Variants in KCNK10 observed in about 807,000 individuals in gnomAD.
KCNK10 encodes potassium channel subfamily K member 10.
A neutral mutation model predicts 47.7 loss-of-function variants in KCNK10; 25 were observed. The ratio of observed to expected loss-of-function variants is 0.52; its 90% CI spans 0.38 to 0.73. The LOEUF is 0.73. Ranked by LOEUF, KCNK10 falls within the 30% of genes least tolerant of loss-of-function variation. KCNK10 has a pLI of 0.00. For missense variants in KCNK10, 563 were observed against 714.5 expected, an observed-to-expected ratio of 0.79 and a Z score of 2.42; for synonymous variants, 303 against 285.6, an observed-to-expected ratio of 1.06 and a Z score of -0.61.
intron 1 of KCNK10, among the ~76,000 whole-genome samples, chr14:88,267,543 T>C (rs1214516064): frequency 6.6e-6 from 1 of 151,930 alleles, no homozygotes; most frequent in Non-Finnish European, 1.5e-5. Flanking sequence ...GCTGATTTTT[T>C]GTATTTTTAG....
chr14:88,294,341 C>T (rs1887942219), intron 1 of KCNK10, among the ~76,000 whole-genome samples: 1 of 152,258 alleles, frequency 6.6e-6, no homozygotes, highest in Admixed American at 6.5e-5. Flanking sequence ...GGAGGGTCTG[C>T]AGCCTTTGGC....
At chr14:88,299,687 T>G (rs992346788) in intron 1 of KCNK10, among the ~76,000 whole-genome samples, 1 of 152,232 alleles carries the variant, frequency 6.6e-6, no homozygotes, top group African/African-American at 2.4e-5. Context: ...AGAATACCTA[T>G]GATTTCATAG....
chr14:88,199,329 C>T (rs1885027121), intron 4 of KCNK10, among the ~76,000 whole-genome samples: 1 of 152,126 alleles, frequency 6.6e-6, no homozygotes, highest in Non-Finnish European at 1.5e-5. Context: ...AGGTGAGTTC[C>T]CTTCTTTAGC....
chr14:88,244,747 A>C (rs902799058), intron 2 of KCNK10, among the ~76,000 whole-genome samples: 1 of 152,228 alleles, frequency 6.6e-6, no homozygotes, highest in African/African-American at 2.4e-5. Flanking sequence ...ATGAGCACAC[A>C]GATGATGAAA....
rs1884319928 is a variant in KCNK10 at position 88,180,787 on chromosome 14, A to C, written c.*4748T>G. On this transcript the variant is annotated 3_prime_UTR_variant, in exon 7 of 7. Coordinates refer to ENST00000319231, the MANE Select transcript of KCNK10 (RefSeq NM_138317.3). ...GAGTATGGATGGGTTGGTGAAGTCC[A>C]ATGAAGGTATGGTGCAGAGACAGAG... 1 of 398,660 alleles carries C rather than the reference A, an allele frequency of 2.5e-6. No homozygotes were observed. Among genetic ancestry groups the C allele is most frequent in the Non-Finnish European group, 4.4e-6 (1 of 226,074 alleles). The allele number at this position is 398,660 out of a possible 1,614,324, so 24.7% of individuals were successfully genotyped here.
At chr14:88,248,759 A>T (rs1051440018) in intron 2 of KCNK10, among the ~76,000 whole-genome samples, 2 of 151,304 alleles carry the variant, frequency 1.3e-5, no homozygotes, top group African/African-American at 2.5e-5. Flanking sequence ...AAAAAAAAAA[A>T]TCATTTTCTG....
rs2139812692 is a variant in KCNK10 at position 88,180,808 on chromosome 14, C to T, written c.*4727G>A. 2.5e-6 allele frequency: 1 copy of T among 398,770 alleles called. No homozygotes were observed. The highest frequency in any genetic ancestry group is 4.4e-6 in the Non-Finnish European group (1 of 226,070). The allele number at this position is 398,770 out of a possible 1,614,324, so 24.7% of individuals were successfully genotyped here. A position where few individuals can be genotyped will look rare whatever the true frequency, so the allele number is the denominator to read the frequency against. ...GTCCAATGAAGGTATGGTGCAGAGA[C>T]AGAGGACAGGGCTTTGCTTACAGCC... On this transcript the variant is annotated 3_prime_UTR_variant, in exon 7 of 7. Coordinates refer to ENST00000319231, the MANE Select transcript of KCNK10 (RefSeq NM_138317.3).
intron 4 of KCNK10, among the ~76,000 whole-genome samples, chr14:88,218,654 C>G (rs144664388): frequency 1.2e-4 from 18 of 152,002 alleles, no homozygotes; most frequent in African/African-American, 3.6e-4. Context: ...GAAGCAGGTA[C>G]TTCCTACCAG....
chr14:88,303,310 C>T lies in KCNK10; in HGVS notation c.52+19437G>A, dbSNP rs572968727. On this transcript the variant is annotated intron_variant, in intron 1 of 6. Transcript: ENST00000319231. ...TCACTTGTATCAGGACATTCTGCAA[C>T]AGGCAGCTGAAAGCATCCTAACTGG... Among the ~76,000 whole-genome samples, 5 of 152,266 alleles carry T rather than the reference C, an allele frequency of 3.3e-5. No individual in the cohort carries two copies. The East Asian group carries it at 7.7e-4, about 24-fold the overall frequency.
At position 88,183,113 on chromosome 14, in the gene KCNK10, A is replaced by C. The variant is rs2139815901; in HGVS notation, c.*2422T>G. The C allele has an allele frequency of 6.6e-6, 1 of 152,472 alleles. No individual in the cohort carries two copies. Among genetic ancestry groups the C allele is most frequent in the Non-Finnish European group, 1.5e-5 (1 of 68,044 alleles). The allele number at this position is 152,472 out of a possible 1,614,324, so 9.4% of individuals were successfully genotyped here. The stretch of plus-strand genomic sequence containing the variant: ...CAGACACTGTAGTGAAGTTGAAAGC[A>C]GACTTTGGTCAGACTTTGAATACCA... On this transcript the variant is annotated 3_prime_UTR_variant, in exon 7 of 7. Transcript: ENST00000319231.
intron 3 of KCNK10, among the ~76,000 whole-genome samples, chr14:88,235,962 C>T (rs1886287162): frequency 6.6e-6 from 1 of 152,166 alleles, no homozygotes; most frequent in African/African-American, 2.4e-5. Context: ...CATCAGGTTT[C>T]CCCCAACAGC....
chr14:88,189,218 C>A (rs2139824100), intron 5 of KCNK10, among the ~76,000 whole-genome samples: 1 of 152,332 alleles, frequency 6.6e-6, no homozygotes. Context: ...CAAACCCAAT[C>A]AGCAACACAG....
At chr14:88,200,412 G>A (rs1055714526) in intron 4 of KCNK10, among the ~76,000 whole-genome samples, 10 of 152,164 alleles carry the variant, frequency 6.6e-5, no homozygotes, top group African/African-American at 2.4e-4. Flanking sequence ...GAGGGATCTA[G>A]AATTTTTCTG....
In KCNK10 at chr14:88,181,747, A is replaced by T. The variant is rs1307068203; in HGVS notation, c.*3788T>A. ...GACTAAGCTCTCACCTTAACCTAAA[A>T]TGGGCAAGACAATTAATTAGTCATT... On this transcript the variant is annotated 3_prime_UTR_variant, in exon 7 of 7. Coordinates refer to ENST00000319231, the MANE Select transcript of KCNK10 (RefSeq NM_138317.3). 1.3e-5 allele frequency: 2 copies of T among 152,264 alleles called. No homozygotes were observed. Among genetic ancestry groups the T allele is most frequent in the Non-Finnish European group, 2.9e-5 (2 of 68,028 alleles). The allele number at this position is 152,264 out of a possible 1,614,324, so 9.4% of individuals were successfully genotyped here.
chr14:88,208,658 G>C (rs1394720783), intron 4 of KCNK10, among the ~76,000 whole-genome samples: 2 of 151,920 alleles, frequency 1.3e-5, no homozygotes, highest in African/African-American at 4.8e-5. Context: ...CTCTGTTATA[G>C]TACACAGCAA....
chr14:88,187,633 A>T (rs55968259), intron 6 of KCNK10, among the ~76,000 whole-genome samples: 6 of 132,410 alleles, frequency 4.5e-5, no homozygotes, highest in Non-Finnish European at 7.8e-5. Context: ...GCACCCCCCC[A>T]CACACACACT....
chr14:88,253,858 A>G (rs1886867101), intron 2 of KCNK10, among the ~76,000 whole-genome samples: 1 of 152,222 alleles, frequency 6.6e-6, no homozygotes. Flanking sequence ...AGATCTCACC[A>G]TTGCACTCCA....
Position 88,185,236 on chromosome 14 carries a change from G to C in KCNK10, c.*299C>G. On this transcript the variant is annotated 3_prime_UTR_variant, in exon 7 of 7. Coordinates refer to ENST00000319231, the MANE Select transcript of KCNK10 (RefSeq NM_138317.3). The surrounding 1 kb of genome is among the most constrained non-coding windows in gnomAD (Gnocchi z 4.3). ...CCTTGTCTACGTGTGTGCCCAGGTA[G>C]CACTGCCCAGGGGTACAGCACTGCC... is the stretch of plus-strand genomic sequence containing the variant. 1 of 344,426 alleles carries C rather than the reference G, an allele frequency of 2.9e-6. No individual in the cohort carries two copies. The highest frequency in any genetic ancestry group is 5.3e-6 in the Non-Finnish European group (1 of 186,970). The allele number at this position is 344,426 out of a possible 1,614,324, so 21.3% of individuals were successfully genotyped here.
chr14:88,264,527 C>T (rs1887203329), intron 1 of KCNK10, among the ~76,000 whole-genome samples: 1 of 152,210 alleles, frequency 6.6e-6, no homozygotes, highest in Non-Finnish European at 1.5e-5. Flanking sequence ...GGGAGTTAAA[C>T]TGCTCAATCA....
Sources: gnomAD v4.1 joint callset for allele counts (sites outside exome capture counted in the v4.1 genomes callset) on GRCh38, gnomAD v4.1.1 for gene constraint, Gnocchi (gnomAD v3.1) non-coding constraint, MANE v1.5 for transcripts, NCBI Gene and HGNC (gene_info 2026-07-23, HGNC 2026-07-21) for gene names.